TGFBR3: variants seen among roughly 807,000 people sequenced by gnomAD.
TGFBR3 encodes transforming growth factor beta receptor 3.
In TGFBR3, 46 loss-of-function variants were observed where a neutral mutation model predicts 87.9. The ratio of observed to expected loss-of-function variants is 0.52; its 90% CI spans 0.41 to 0.67. The LOEUF (loss-of-function observed/expected upper bound fraction) is 0.67. Ranked by LOEUF, TGFBR3 falls within the 30% of genes least tolerant of loss-of-function variation. The pLI is 0.00. For synonymous variants in TGFBR3, 381 were observed against 391.6 expected, an observed-to-expected ratio of 0.97 and a Z score of 0.32; for missense variants, 866 against 1,041.9, an observed-to-expected ratio of 0.83 and a Z score of 2.32.
chr1:91,849,951 G>A (rs1282313765), intron 2 of TGFBR3, among the ~76,000 whole-genome samples: 3 of 151,646 alleles, frequency 2.0e-5, no homozygotes, highest in Non-Finnish European at 4.4e-5. Context: ...GCATGGTGGC[G>A]GGTGCCTGTA....
intron 1 of TGFBR3, among the ~76,000 whole-genome samples, chr1:91,864,609 T>C (rs2450925): frequency 0.99 from 151,422 of 152,282 alleles, 75,286 homozygotes; most frequent in Middle Eastern, 1. Context: ...TGGTGAAAGA[T>C]TCCCAAGGCA....
chr1:91,683,681 G>T lies in TGFBR3; in HGVS notation c.*58C>A. 2 of 1,400,480 alleles carry T rather than the reference G, an allele frequency of 1.4e-6. No homozygotes were observed. The highest frequency in any genetic ancestry group is 1.9e-6 in the Non-Finnish European group (2 of 1,026,426). 86.8% of individuals were successfully genotyped at this position (1,400,480 alleles called of 1,614,324 possible). A position where few individuals can be genotyped will look rare whatever the true frequency, so the allele number is the denominator to read the frequency against. On this transcript the variant is annotated 3_prime_UTR_variant, in exon 17 of 17. Transcript: ENST00000212355. Reference sequence around the variant, plus strand: ...AGGCTCAGCCATTGGTCCTGCCCTTGGCAGTAGCTGAGCTGAGCTGGGCTG... The same window carrying T: ...AGGCTCAGCCATTGGTCCTGCCCTTTGCAGTAGCTGAGCTGAGCTGGGCTG...
chr1:91,795,384 G>T (rs760193745), intron 3 of TGFBR3, among the ~76,000 whole-genome samples: 2 of 152,090 alleles, frequency 1.3e-5, no homozygotes, highest in African/African-American at 2.4e-5. Flanking sequence ...AACACACTAT[G>T]TCCCTGATGC....
chr1:91,785,590 G>A (rs955755645), intron 3 of TGFBR3, among the ~76,000 whole-genome samples: 5 of 152,094 alleles, frequency 3.3e-5, no homozygotes, highest in Non-Finnish European at 7.4e-5. Context: ...CAGCCACACC[G>A]TGTAGGTGAA....
At chr1:91,791,917 T>C (rs1341524086) in intron 3 of TGFBR3, among the ~76,000 whole-genome samples, 1 of 152,162 alleles carries the variant, frequency 6.6e-6, no homozygotes, top group Non-Finnish European at 1.5e-5. Context: ...TATTGTCATT[T>C]GGGGGATGTG....
At chr1:91,731,490 G>A (rs1207174754) in intron 5 of TGFBR3, among the ~76,000 whole-genome samples, 1 of 152,222 alleles carries the variant, frequency 6.6e-6, no homozygotes, top group African/African-American at 2.4e-5. Flanking sequence ...GACTCAGGCT[G>A]CTAGAGCAGC....
At chr1:91,813,841 G>T (rs1346546228) in intron 2 of TGFBR3, among the ~76,000 whole-genome samples, 1 of 152,184 alleles carries the variant, frequency 6.6e-6, no homozygotes, top group Non-Finnish European at 1.5e-5. Flanking sequence ...ATGGTTTTGG[G>T]ATGGAACTGT....
At chr1:91,747,407 C>T (rs1473905554) in intron 4 of TGFBR3, among the ~76,000 whole-genome samples, 1 of 152,222 alleles carries the variant, frequency 6.6e-6, no homozygotes, top group Non-Finnish European at 1.5e-5. Context: ...AGAGATTCTC[C>T]TGGTGGGTTA....
intron 2 of TGFBR3, among the ~76,000 whole-genome samples, chr1:91,821,811 CT>C (rs1290545250): frequency 6.6e-6 from 1 of 152,226 alleles, no homozygotes; most frequent in Non-Finnish European, 1.5e-5. Flanking sequence ...GACATCTACA[CT>C]TTGTGAGGAT....
chr1:91,876,614 G>A (rs1571596638), intron 1 of TGFBR3, among the ~76,000 whole-genome samples: 1 of 152,144 alleles, frequency 6.6e-6, no homozygotes, highest in East Asian at 1.9e-4. Flanking sequence ...ATGATGCTGT[G>A]AGCCCATAAC....
intron 6 of TGFBR3, among the ~76,000 whole-genome samples, chr1:91,729,313 C>G (rs1672678306): frequency 2.0e-5 from 3 of 148,766 alleles, no homozygotes; most frequent in Admixed American, 6.8e-5. Context: ...CACACACACA[C>G]AGATTTAACG....
intron 2 of TGFBR3, among the ~76,000 whole-genome samples, chr1:91,813,466 G>A (rs909451056): frequency 6.6e-6 from 1 of 152,180 alleles, no homozygotes; most frequent in African/African-American, 2.4e-5. Flanking sequence ...CTTTCAGGAT[G>A]AAGAGATATT....
chr1:91,836,654 A>G (rs2101102795), intron 2 of TGFBR3, among the ~76,000 whole-genome samples: 1 of 152,118 alleles, frequency 6.6e-6, no homozygotes, highest in East Asian at 1.9e-4. Context: ...ATATAATTAT[A>G]TATTTCTATT....
At chr1:91,852,966 G>A (rs1360732675) in intron 2 of TGFBR3, among the ~76,000 whole-genome samples, 1 of 151,538 alleles carries the variant, frequency 6.6e-6, no homozygotes, top group Non-Finnish European at 1.5e-5. Flanking sequence ...ACCAGCCTGG[G>A]CAACATGGCG....
In TGFBR3 at chr1:91,683,875, A is replaced by G. The variant is rs909421221; in HGVS notation, c.2438-18T>C. On this transcript the variant is annotated intron_variant, in intron 16 of 16. Transcript: ENST00000212355. ...TGTCTCCCCTGCAGTTAATAAAGAA[A>G]AGGCAGAGTCAGAGAAAGACGCATA... The G allele has an allele frequency of 1.3e-6, 2 of 1,577,206 alleles. No homozygotes were observed. The highest frequency in any genetic ancestry group is 1.7e-6 in the Non-Finnish European group (2 of 1,158,144).
chr1:91,734,061 G>A (rs12067662), intron 5 of TGFBR3, among the ~76,000 whole-genome samples: 20 of 29,592 alleles, frequency 6.8e-4, no homozygotes, highest in South Asian at 3.4e-3. Context: ...AGAGAGGGAG[G>A]GAGGGAGGGA....
chr1:91,878,276 GA>G (rs1251150834), intron 1 of TGFBR3, among the ~76,000 whole-genome samples: 1 of 113,600 alleles, frequency 8.8e-6, no homozygotes, highest in Non-Finnish European at 1.9e-5. Flanking sequence ...CTTCCAGAAT[GA>G]AAAGAAAAAA....
chr1:91,714,806 C>G (rs1404229013), intron 12 of TGFBR3, among the ~76,000 whole-genome samples: 1 of 152,192 alleles, frequency 6.6e-6, no homozygotes, highest in African/African-American at 2.4e-5. Flanking sequence ...AAACAGCCAT[C>G]TTGGCTTAGG....
rs758963836 is a variant in TGFBR3, at chr1:91,683,704, CTGGGCTGGGTTGGGCCGGGT to C, written c.*15_*34del. ...TTGGCAGTAGCTGAGCTGAGCTGGG[CTGGGCTGGGTTGGGCCGGGT>C]TGGGCTGGGTTGGGCTAGGCCGTGC... On this transcript the variant is annotated 3_prime_UTR_variant, in exon 17 of 17. Transcript: ENST00000212355. 45 of 1,458,786 alleles carry C rather than the reference CTGGGCTGGGTTGGGCCGGGT, an allele frequency of 3.1e-5. No individual in the cohort carries two copies. Among genetic ancestry groups the C allele is most frequent in the South Asian group, 8.5e-5 (7 of 82,014 alleles). The allele number at this position is 1,458,786 out of a possible 1,614,324, so 90.4% of individuals were successfully genotyped here.
Sources: gnomAD v4.1 joint callset for allele counts (sites outside exome capture counted in the v4.1 genomes callset) on GRCh38, gnomAD v4.1.1 for gene constraint, MANE v1.5 for transcripts, NCBI Gene and HGNC (gene_info 2026-07-23, HGNC 2026-07-21) for gene names.